Variants in PPP2R2C observed in about 807,000 individuals in gnomAD.
The protein encoded by PPP2R2C is protein phosphatase 2, regulatory subunit B, gamma.
In PPP2R2C, 10 loss-of-function variants were observed where a neutral mutation model predicts 45.3. The observed-to-expected ratio is 0.22, with a 90% CI of 0.14 to 0.37. The LOEUF (loss-of-function observed/expected upper bound fraction) is 0.37, where lower values mean the gene tolerates loss of function less well. Ranked by LOEUF, PPP2R2C falls within the 10% of genes least tolerant of loss-of-function variation. PPP2R2C has a pLI of 1.00. For synonymous variants in PPP2R2C, 257 were observed against 245.4 expected, an observed-to-expected ratio of 1.05 and a Z score of -0.44; for missense variants, 308 against 619.7, an observed-to-expected ratio of 0.50 and a Z score of 5.34.
chr4:6,383,932 C>G (rs1325672423), intron 1 of PPP2R2C: 6 of 986,082 alleles, frequency 6.1e-6, no homozygotes, highest in Non-Finnish European at 7.2e-6. Flanking sequence ...TTTGAGGCAA[C>G]AGAAAAGATT....
At chr4:6,481,693 T>C (rs899692474) in intron 2 of PPP2R2C, among the ~76,000 whole-genome samples, 1 of 152,164 alleles carries the variant, frequency 6.6e-6, no homozygotes, top group African/African-American at 2.4e-5. Context: ...GAAAATCCTG[T>C]TGGGGCCCGG....
rs1319138625 is a variant in PPP2R2C at position 6,399,641 on chromosome 4, G to A, written c.71-18547C>T. On this transcript the variant is annotated intron_variant, in intron 1 of 8. Coordinates refer to ENST00000382599, the MANE Select transcript of PPP2R2C (RefSeq NM_020416.4). ...GGGCCAGCAGGAAGCCATAGCCAGCGTGGGCAGCCTGAGCTGACCCTAGGA... is the reference window on the plus strand; with the variant it reads ...GGGCCAGCAGGAAGCCATAGCCAGCATGGGCAGCCTGAGCTGACCCTAGGA... Among the ~76,000 whole-genome samples, 6 of 152,222 alleles carry A rather than the reference G, an allele frequency of 3.9e-5. No individual in the cohort carries two copies. In the East Asian group the frequency reaches 7.7e-4, roughly 20 times the overall value.
At chr4:6,433,233 G>A (rs1719720254) in intron 1 of PPP2R2C, among the ~76,000 whole-genome samples, 2 of 152,134 alleles carry the variant, frequency 1.3e-5, no homozygotes, top group Admixed American at 1.3e-4. Context: ...CTCTGTTGCT[G>A]AATGGCTCTC....
chr4:6,510,980 C>A (rs909401630), intron 2 of PPP2R2C, among the ~76,000 whole-genome samples: 11,123 of 41,262 alleles, frequency 0.27, 910 homozygotes, highest in African/African-American at 0.31. Flanking sequence ...CCGTCTCAAA[C>A]AAAAAAAAAC....
intron 2 of PPP2R2C, among the ~76,000 whole-genome samples, chr4:6,379,469 A>C (rs28571819): frequency 6.6e-6 from 1 of 152,218 alleles, no homozygotes; most frequent in Non-Finnish European, 1.5e-5. Context: ...GAAGTTCTCC[A>C]ATATTTTTGC....
chr4:6,426,800 A>T (rs1719358030), intron 1 of PPP2R2C, among the ~76,000 whole-genome samples: 2 of 152,202 alleles, frequency 1.3e-5, no homozygotes, highest in South Asian at 4.1e-4. Context: ...CCACAGGGGC[A>T]GGTGAGGCTC....
At chr4:6,493,910 G>C (rs955835936) in intron 2 of PPP2R2C, among the ~76,000 whole-genome samples, 1 of 152,224 alleles carries the variant, frequency 6.6e-6, no homozygotes, top group Admixed American at 6.5e-5. Flanking sequence ...AACAGAACAT[G>C]CTGGAATGTT....
chr4:6,410,512 A>T (rs1265841792), intron 1 of PPP2R2C, among the ~76,000 whole-genome samples: 1 of 152,178 alleles, frequency 6.6e-6, no homozygotes, highest in Non-Finnish European at 1.5e-5. Flanking sequence ...GGTGGAAGGT[A>T]AAATATCAAA....
chr4:6,370,596 G>C (rs191021263), intron 5 of PPP2R2C, among the ~76,000 whole-genome samples: 11 of 152,152 alleles, frequency 7.2e-5, no homozygotes, highest in South Asian at 2.1e-4. Context: ...AACTGGTCTC[G>C]TTTCTCCTGG....
intron 6 of PPP2R2C, among the ~76,000 whole-genome samples, chr4:6,344,124 A>G (rs534210607): frequency 6.6e-6 from 1 of 152,310 alleles, no homozygotes; most frequent in African/African-American, 2.4e-5. Context: ...GGCACAATCA[A>G]AAGTCCTCAG....
chr4:6,376,134 C>T (rs1245790937), intron 3 of PPP2R2C, among the ~76,000 whole-genome samples: 1 of 152,236 alleles, frequency 6.6e-6, no homozygotes, highest in Non-Finnish European at 1.5e-5. Flanking sequence ...CGGCCAGCCT[C>T]CGCAGTCAGG....
chr4:6,533,065 A>T (rs1402250090), intron 2 of PPP2R2C, among the ~76,000 whole-genome samples: 4 of 152,194 alleles, frequency 2.6e-5, no homozygotes, highest in Admixed American at 2.0e-4. Context: ...TCTGGTCTTG[A>T]GTTAATGACA....
At chr4:6,406,293 A>G (rs998106851) in intron 1 of PPP2R2C, among the ~76,000 whole-genome samples, 1 of 152,224 alleles carries the variant, frequency 6.6e-6, no homozygotes, top group Non-Finnish European at 1.5e-5. Flanking sequence ...TCCATGGGGA[A>G]GTTGGTCTTT....
At chr4:6,400,918 G>A (rs148738741) in intron 1 of PPP2R2C, among the ~76,000 whole-genome samples, 7 of 152,312 alleles carry the variant, frequency 4.6e-5, no homozygotes, top group African/African-American at 1.7e-4. Flanking sequence ...GGGAAACTGA[G>A]CTGGGAGTTG....
rs1711784132 is a variant in PPP2R2C at position 6,345,538 on chromosome 4, C to CA, written c.790+2307dup. On this transcript the variant is annotated intron_variant, in intron 6 of 8. Transcript: ENST00000382599. This position sits in a 1 kb window ranked among gnomAD's most constrained non-coding sequence, Gnocchi z 5.3. ...AGGGCCTTTATACGCGAAAGACAGA[C>CA]AGGAGGGTCAGAGACGTGAGAGAGG... is the stretch of plus-strand genomic sequence containing the variant. Among the ~76,000 whole-genome samples the CA allele has an allele frequency of 6.6e-6, 1 of 152,146 alleles. No individual in the cohort carries two copies. The highest frequency in any genetic ancestry group is 1.5e-5 in the Non-Finnish European group (1 of 68,016).
chr4:6,346,385 C>A (rs1711929974), intron 6 of PPP2R2C, among the ~76,000 whole-genome samples: 1 of 151,944 alleles, frequency 6.6e-6, no homozygotes, highest in Non-Finnish European at 1.5e-5. Context: ...GCACCACCCA[C>A]CCCCTCAGGG....
intron 5 of PPP2R2C, among the ~76,000 whole-genome samples, chr4:6,366,951 T>C (rs1321421073): frequency 2.0e-5 from 3 of 151,954 alleles, no homozygotes; most frequent in Non-Finnish European, 4.4e-5. Context: ...TGAGCCAATT[T>C]CACAGCTGTG....
intron 1 of PPP2R2C, among the ~76,000 whole-genome samples, chr4:6,535,550 G>A (rs1483838790): frequency 6.6e-6 from 1 of 152,206 alleles, no homozygotes. Context: ...CCTCCCGGCT[G>A]CAGGAGCCGC....
chr4:6,382,555 T>C, intron 1 of PPP2R2C: 1 of 1,323,696 alleles, frequency 7.6e-7, no homozygotes, highest in Non-Finnish European at 1.0e-6. Context: ...CCTCTGCAGC[T>C]TCCCCAGTCT....
Sources: allele counts gnomAD v4.1 joint callset (sites outside exome capture counted in the v4.1 genomes callset), GRCh38; gene constraint gnomAD v4.1.1; non-coding constraint Gnocchi (gnomAD v3.1); transcripts MANE v1.5; gene names NCBI Gene and HGNC (gene_info 2026-07-23, HGNC 2026-07-21).